The following TPO variants were observed in gnomAD, a reference collection of about 807,000 sequenced individuals.
The protein encoded by TPO is thyroid peroxidase, also known as thyroid microsomal antigen.
In TPO, 78 loss-of-function variants were observed where a neutral mutation model predicts 96.9. The ratio of observed to expected loss-of-function variants is 0.81; its 90% CI spans 0.67 to 0.97. TPO has a LOEUF of 0.97. Among genes scored for constraint, TPO ranks in the 50% least tolerant of loss-of-function variants. The pLI, the probability that TPO is intolerant of heterozygous loss-of-function variation, is 0.00. For synonymous variants in TPO, 547 were observed against 538.0 expected, an observed-to-expected ratio of 1.02 and a Z score of -0.23; for missense variants, 1,252 against 1,274.8, an observed-to-expected ratio of 0.98 and a Z score of 0.27.
At chr2:1,403,072 G>T (rs1442634219) in intron 1 of TPO, among the ~76,000 whole-genome samples, 2 of 152,196 alleles carry the variant, frequency 1.3e-5, no homozygotes, top group Non-Finnish European at 2.9e-5. Context: ...TTTTTAGAAA[G>T]ATATATTTGC....
At chr2:1,540,264 G>A (rs1002012596) in intron 15 of TPO, among the ~76,000 whole-genome samples, 5 of 152,252 alleles carry the variant, frequency 3.3e-5, no homozygotes, top group African/African-American at 9.6e-5. Flanking sequence ...ATTTGGATGC[G>A]TCTCTTGGCA....
chr2:1,484,675 A>G lies in TPO; in HGVS notation c.1418A>G (p.Tyr473Cys). The change falls in exon 9 of 17, where the codon TAT (tyrosine) becomes TGT (cysteine). Residue 473 changes from tyrosine (Y) to cysteine (C), a missense_variant. By Grantham distance (194) the Tyr-to-Cys change is radical. Coordinates refer to ENST00000329066, the MANE Select transcript of TPO (RefSeq NM_001206744.2). ...CAGTACGTGGGTCCCTATGAAGGCT[A>G]TGACTCCACCGCCAACCCCACTGTG... Reference protein sequence around the residue: ...FQQYVGPYEGYDSTANPTVSN... With the variant: ...FQQYVGPYEGCDSTANPTVSN... 1 of 1,614,086 alleles carries G rather than the reference A, an allele frequency of 6.2e-7. No homozygotes were observed. Among genetic ancestry groups the G allele is most frequent in the Non-Finnish European group, 8.5e-7 (1 of 1,180,020 alleles).
rs756942420 is a variant in TPO at position 1,540,580 on chromosome 2, C to T, written c.2619-14C>T. On this transcript the variant is annotated splice_polypyrimidine_tract_variant and intron_variant, in intron 15 of 16. Coordinates refer to ENST00000329066, the MANE Select transcript of TPO (RefSeq NM_001206744.2). ...CGGACCCTCTCCCGATAACTGGACA[C>T]GTGTCTCCCACAGGACACGCACTGG... The T allele has an allele frequency of 5.6e-6, 9 of 1,612,804 alleles. No homozygotes were observed. The East Asian group carries it at 6.7e-5, about 12-fold the overall frequency.
intron 7 of TPO, among the ~76,000 whole-genome samples, chr2:1,463,493 GC>G (rs1668629870): frequency 6.6e-6 from 1 of 152,142 alleles, no homozygotes; most frequent in South Asian, 2.1e-4. Context: ...GAATCCCAAA[GC>G]AAAACAGAAA....
intron 3 of TPO, among the ~76,000 whole-genome samples, chr2:1,429,553 A>C (rs1664774932): frequency 6.6e-6 from 1 of 152,208 alleles, no homozygotes; most frequent in Non-Finnish European, 1.5e-5. Context: ...GAGAAAGACA[A>C]GGGAAAGTTT....
At chr2:1,419,577 C>T (rs930222366) in intron 2 of TPO, among the ~76,000 whole-genome samples, 1 of 152,196 alleles carries the variant, frequency 6.6e-6, no homozygotes, top group African/African-American at 2.4e-5. Flanking sequence ...CCCAGGCCCT[C>T]AACAGCCTGG....
intron 1 of TPO, among the ~76,000 whole-genome samples, chr2:1,400,794 T>C (rs1159655649): frequency 6.6e-6 from 1 of 152,198 alleles, no homozygotes; most frequent in East Asian, 1.9e-4. Context: ...ATGTGGAGTC[T>C]TCATGTCTTG....
intron 2 of TPO, among the ~76,000 whole-genome samples, chr2:1,415,715 C>T (rs1217416944): frequency 6.6e-6 from 1 of 152,228 alleles, no homozygotes; most frequent in Non-Finnish European, 1.5e-5. Context: ...CATGGCACAG[C>T]ACTGGCACCT....
chr2:1,496,349 G>A, intron 12 of TPO, 152 bp downstream of exon 12: 1 of 1,029,328 alleles, frequency 9.7e-7, no homozygotes, highest in East Asian at 2.6e-5. Context: ...CTGGGGCGGG[G>A]CGGGGCGGGG....
chr2:1,472,350 C>A (rs1274750614), intron 7 of TPO, among the ~76,000 whole-genome samples: 1 of 152,082 alleles, frequency 6.6e-6, no homozygotes, highest in East Asian at 1.9e-4. Flanking sequence ...GATCTGAGTG[C>A]TCATAGTGTG....
At chr2:1,509,706 CCTT>C (rs923713367) in intron 14 of TPO, among the ~76,000 whole-genome samples, 1 of 150,750 alleles carries the variant, frequency 6.6e-6, no homozygotes, top group Non-Finnish European at 1.5e-5. Context: ...GGCACACCCC[CCTT>C]CTTCTGTCAG....
chr2:1,498,066 C>T (rs765367236), intron 13 of TPO, among the ~76,000 whole-genome samples: 4 of 150,914 alleles, frequency 2.7e-5, no homozygotes, highest in Admixed American at 6.6e-5. Flanking sequence ...GTGCTCAATG[C>T]CAGTGAACTG....
intron 14 of TPO, among the ~76,000 whole-genome samples, chr2:1,516,017 A>C (rs894795362): frequency 6.6e-6 from 1 of 152,194 alleles, no homozygotes; most frequent in Non-Finnish European, 1.5e-5. Context: ...CGGTAATAAA[A>C]CTGTGGTCAA....
At chr2:1,483,540 G>A (rs1670837849) in intron 8 of TPO, among the ~76,000 whole-genome samples, 2 of 152,228 alleles carry the variant, frequency 1.3e-5, no homozygotes. Context: ...GGACACCTGT[G>A]TGGTTCAGAA....
At chr2:1,476,277 C>T (rs369929746) in intron 7 of TPO, among the ~76,000 whole-genome samples, 2 of 152,336 alleles carry the variant, frequency 1.3e-5, no homozygotes, top group East Asian at 1.9e-4. Context: ...AATCTGATAA[C>T]GCCCAGGGTA....
At chr2:1,440,102 C>CTGTGCTGCGTTTCCAA (rs974987117) in intron 5 of TPO, among the ~76,000 whole-genome samples, 1 of 151,778 alleles carries the variant, frequency 6.6e-6, no homozygotes, top group Non-Finnish European at 1.5e-5. Context: ...TGCGTTTCCA[C>CTGTGCTGCGTTTCCAA]TGTGCTGCGT....
intron 1 of TPO, among the ~76,000 whole-genome samples, chr2:1,395,840 T>C (rs1031073615): frequency 1.9e-4 from 29 of 152,338 alleles, no homozygotes; most frequent in African/African-American, 5.3e-4. Flanking sequence ...CCTGCACACA[T>C]TCTCTTGCCT....
At chr2:1,485,652 G>A (rs1317142385) in intron 9 of TPO, among the ~76,000 whole-genome samples, 1 of 151,652 alleles carries the variant, frequency 6.6e-6, no homozygotes, top group Non-Finnish European at 1.5e-5. Context: ...TTCTCTGATG[G>A]CCAGTGATGA....
At chr2:1,495,169 T>C (rs1277855162) in intron 11 of TPO, among the ~76,000 whole-genome samples, 1 of 152,248 alleles carries the variant, frequency 6.6e-6, no homozygotes, top group Non-Finnish European at 1.5e-5. Flanking sequence ...TTTCTCATCC[T>C]ATGTATTTAT....
Sources: allele counts gnomAD v4.1 joint callset (sites outside exome capture counted in the v4.1 genomes callset), GRCh38; gene constraint gnomAD v4.1.1; transcripts MANE v1.5; gene names NCBI Gene and HGNC (gene_info 2026-07-23, HGNC 2026-07-21).